Variants in PTPN12 observed in about 807,000 individuals in gnomAD.
The protein encoded by PTPN12 is tyrosine-protein phosphatase non-receptor type 12.
PTPN12 carries 29 observed loss-of-function variants against 97.6 expected under a neutral mutation model. The ratio of observed to expected loss-of-function variants is 0.30; its 90% CI spans 0.22 to 0.41. The LOEUF (loss-of-function observed/expected upper bound fraction) is 0.41, where lower values mean the gene tolerates loss of function less well. PTPN12 is among the 10% of genes least tolerant of loss of function. The pLI is 1.00. For synonymous variants in PTPN12, 327 were observed against 300.4 expected (o/e 1.09, Z -0.91); for missense variants, 819 against 926.0 (o/e 0.88, Z 1.50).
intron 9 of PTPN12, among the ~76,000 whole-genome samples, chr7:77,610,381 A>G (rs188688163): frequency 4.0e-4 from 61 of 152,270 alleles, no homozygotes; most frequent in Non-Finnish European, 7.9e-4. Flanking sequence ...GTTTACATCA[A>G]ACTTCTCAAT....
intron 1 of PTPN12, among the ~76,000 whole-genome samples, chr7:77,558,606 C>T (rs1807838583): frequency 6.6e-6 from 1 of 152,196 alleles, no homozygotes; most frequent in Non-Finnish European, 1.5e-5. Context: ...CCTAAGACTA[C>T]TATCCTTAGA....
At chr7:77,584,813 C>CTTGT (rs1787636096) in intron 4 of PTPN12, among the ~76,000 whole-genome samples, 2 of 151,314 alleles carry the variant, frequency 1.3e-5, no homozygotes, top group Admixed American at 1.3e-4. Flanking sequence ...GGAGGCAGCG[C>CTTGT]TTGCAGTGAG....
At chr7:77,618,261 T>C (rs1312615962) in intron 11 of PTPN12, among the ~76,000 whole-genome samples, 2 of 152,162 alleles carry the variant, frequency 1.3e-5, no homozygotes, top group Non-Finnish European at 2.9e-5. Flanking sequence ...CCTTGATCTT[T>C]CCAGTAACTG....
chr7:77,621,133 G>A (rs561086571), intron 12 of PTPN12, among the ~76,000 whole-genome samples: 1 of 149,664 alleles, frequency 6.7e-6, no homozygotes, highest in Admixed American at 6.7e-5. Context: ...CTTTTTAAAC[G>A]TTTTTGTTAA....
chr7:77,545,437 TTGA>T (rs1190565119), intron 1 of PTPN12, among the ~76,000 whole-genome samples: 8 of 152,104 alleles, frequency 5.3e-5, no homozygotes, highest in African/African-American at 1.9e-4. Context: ...ATTGCTCCCT[TTGA>T]TGACCATTAC....
intron 9 of PTPN12, among the ~76,000 whole-genome samples, chr7:77,609,499 ACCTCAGGTGATCCGCCTGCCTTGG>A (rs1316069060): frequency 1.3e-5 from 2 of 151,334 alleles, no homozygotes; most frequent in Non-Finnish European, 2.9e-5. Context: ...CAAACTCCTG[ACCTCAGGTGATCCGCCTGCCTTGG>A]CCTCTCAAAG....
intron 9 of PTPN12, among the ~76,000 whole-genome samples, chr7:77,607,620 T>C (rs1431572834): frequency 6.6e-6 from 1 of 152,200 alleles, no homozygotes; most frequent in Non-Finnish European, 1.5e-5. Flanking sequence ...GGAGAAAAGG[T>C]ATAATTGCTG....
intron 8 of PTPN12, 52 bp downstream of exon 8, chr7:77,600,858 CACAAG>C: frequency 7.0e-7 from 1 of 1,428,616 alleles, no homozygotes. Flanking sequence ...TTTGATGTTA[CACAAG>C]GTTTTATTTC....
chr7:77,590,108 A>C (rs527665380), intron 5 of PTPN12, among the ~76,000 whole-genome samples: 1 of 152,386 alleles, frequency 6.6e-6, no homozygotes, highest in Admixed American at 6.5e-5. Context: ...ACCATGGTGC[A>C]GTACAGTTCA....
intron 1 of PTPN12, chr7:77,537,925 G>C (rs1009991175): frequency 3.2e-6 from 2 of 631,776 alleles, no homozygotes; most frequent in African/African-American, 2.0e-5. Flanking sequence ...ACCGTGGCTC[G>C]CGACCACCTA....
Position 77,574,919 on chromosome 7 carries a change from T to C in PTPN12, c.208+3733T>C, listed in dbSNP as rs1344802562. Among the ~76,000 whole-genome samples, 27 of 150,456 alleles carry C rather than the reference T, an allele frequency of 1.8e-4. 1 individual carries two copies. The highest frequency in any genetic ancestry group is 1.8e-3 in the Admixed American group (27 of 15,104). On this transcript the variant is annotated intron_variant, in intron 2 of 17. Transcript: ENST00000248594. ...GGATCTCGGCTCACTGCAACCTCTA[T>C]CTCCCGGGTTTAAGCAATTCTCGTG... is the stretch of plus-strand genomic sequence containing the variant.
chr7:77,625,565 CTTTTTTTTTT>C (rs1179793825), intron 12 of PTPN12, among the ~76,000 whole-genome samples: 2 of 24,152 alleles, frequency 8.3e-5, no homozygotes, highest in Non-Finnish European at 1.3e-4. Context: ...CTCTCTCTCT[CTTTTTTTTTT>C]TTTTTTTTTT....
At chr7:77,564,746 G>GTTTTGTTTTTTT (rs1808164926) in intron 1 of PTPN12, among the ~76,000 whole-genome samples, 1 of 45,370 alleles carries the variant, frequency 2.2e-5, no homozygotes, top group Non-Finnish European at 3.8e-5. Flanking sequence ...TTGTTGTCGT[G>GTTTTGTTTTTTT]TTTTTTTTTT....
rs201416637 is a variant in PTPN12 at position 77,627,185 on chromosome 7, A to T, written c.1506A>T (p.Gln502His). ...QNSCVDCSVTQSNKVSVTPPE... is the reference protein window; with the variant it reads ...QNSCVDCSVTHSNKVSVTPPE... ...CTTGTGTGGACTGCAGTGTAACACA[A>T]TCAAACAAAGTTTCAGTTACTCCAC... The change falls in exon 13 of 18, where the codon CAA becomes CAT. Residue 502 changes from glutamine (Q) to histidine (H), a missense_variant. Coordinates refer to ENST00000248594, the MANE Select transcript of PTPN12 (RefSeq NM_002835.4). 6.0e-5 allele frequency: 97 copies of T among 1,614,070 alleles called. No individual in the cohort carries two copies. Among genetic ancestry groups the T allele is most frequent in the Non-Finnish European group, 8.0e-5 (94 of 1,180,042 alleles).
At chr7:77,564,746 G>GTGTT (rs1808163614) in intron 1 of PTPN12, among the ~76,000 whole-genome samples, 1 of 45,370 alleles carries the variant, frequency 2.2e-5, no homozygotes, top group Non-Finnish European at 3.8e-5. Flanking sequence ...TTGTTGTCGT[G>GTGTT]TTTTTTTTTT....
rs375814928 is a variant in PTPN12 at position 77,639,205 on chromosome 7, T to C, written c.2282-14T>C. The stretch of plus-strand genomic sequence containing the variant: ...TCTGAACACTGACTAGTTATTGTGG[T>C]GTTTTCACTGTAGGTTTTGGTAATC... On this transcript the variant is annotated splice_polypyrimidine_tract_variant and intron_variant, in intron 17 of 17. Coordinates refer to ENST00000248594, the MANE Select transcript of PTPN12 (RefSeq NM_002835.4). The C allele has an allele frequency of 5.0e-6, 8 of 1,602,512 alleles. No homozygotes were observed. Among genetic ancestry groups the C allele is most frequent in the Non-Finnish European group, 6.8e-6 (8 of 1,170,964 alleles).
intron 14 of PTPN12, 84 bp downstream of exon 14, chr7:77,632,509 A>C: frequency 1.1e-6 from 1 of 945,126 alleles, no homozygotes; most frequent in South Asian, 1.5e-5. Flanking sequence ...TCTATTAGCT[A>C]TTGTGCTACA....
chr7:77,586,759 A>G (rs186029332), intron 5 of PTPN12, among the ~76,000 whole-genome samples: 14 of 152,308 alleles, frequency 9.2e-5, no homozygotes, highest in African/African-American at 3.4e-4. Context: ...TGCTTTATCA[A>G]CTAAGTTGAT....
chr7:77,543,109 G>C (rs1430805029), intron 1 of PTPN12, among the ~76,000 whole-genome samples: 1 of 152,204 alleles, frequency 6.6e-6, no homozygotes, highest in Non-Finnish European at 1.5e-5. Flanking sequence ...GTTATTACCA[G>C]AGTCAAATAA....
Sources: gnomAD v4.1 joint callset for allele counts (sites outside exome capture counted in the v4.1 genomes callset) on GRCh38, gnomAD v4.1.1 for gene constraint, MANE v1.5 for transcripts, NCBI Gene and HGNC (gene_info 2026-07-23, HGNC 2026-07-21) for gene names.